Variants in WNK2 observed in about 807,000 individuals in gnomAD.
The protein encoded by WNK2 is WNK lysine deficient protein kinase 2.
WNK2 carries 67 observed loss-of-function variants against 192.1 expected under a neutral mutation model. The ratio of observed to expected loss-of-function variants is 0.35; its 90% CI spans 0.29 to 0.43. The LOEUF (loss-of-function observed/expected upper bound fraction) is 0.43, where lower values mean the gene tolerates loss of function less well. WNK2 is among the 20% of genes least tolerant of loss of function. WNK2 has a pLI of 1.00. For synonymous variants in WNK2, 1,439 were observed against 1,393.9 expected (o/e 1.03, Z -0.72); for missense variants, 2,698 against 3,089.7 (o/e 0.87, Z 3.01).
chr9:93,189,428 G>A (rs1307546880), intron 2 of WNK2, among the ~76,000 whole-genome samples: 1 of 152,224 alleles, frequency 6.6e-6, no homozygotes, highest in Non-Finnish European at 1.5e-5. Flanking sequence ...GACTAAGGGT[G>A]GGGGCGCTGC....
In WNK2 at chr9:93,223,662, C is replaced by T. The variant is rs74533343; in HGVS notation, c.682-6034C>T. ...AAACCCTGTCCTCCTGGAACCAGACCCAGACCCTCTCTCCACTTTGTGGTG... is the reference window on the plus strand; with the variant it reads ...AAACCCTGTCCTCCTGGAACCAGACTCAGACCCTCTCTCCACTTTGTGGTG... On this transcript the variant is annotated intron_variant, in intron 2 of 29. Coordinates refer to ENST00000427277, the MANE Select transcript of WNK2 (RefSeq NM_006648.4). Among the ~76,000 whole-genome samples, 75 of 152,304 alleles carry T rather than the reference C, an allele frequency of 4.9e-4. No homozygotes were observed. In the East Asian group the frequency reaches 0.013, roughly 26 times the overall value.
chr9:93,315,721 T>C (rs1854526958), intron 28 of WNK2: 1 of 152,158 alleles, frequency 6.6e-6, no homozygotes, highest in South Asian at 2.1e-4. Flanking sequence ...CAAAGATTTT[T>C]TTTGAAAGTC....
chr9:93,315,252 G>T (rs1408331895), intron 28 of WNK2, among the ~76,000 whole-genome samples: 1 of 152,202 alleles, frequency 6.6e-6, no homozygotes, highest in Admixed American at 6.5e-5. Context: ...CACCCATTGA[G>T]TGGAAAGTCT....
chr9:93,242,592 A>G (rs1235573959), intron 7 of WNK2, among the ~76,000 whole-genome samples: 4 of 152,242 alleles, frequency 2.6e-5, no homozygotes, highest in Non-Finnish European at 1.5e-5. Context: ...GAGATGCTGC[A>G]TAGGCTATGT....
chr9:93,285,827 CA>C (rs1848371590), intron 19 of WNK2, among the ~76,000 whole-genome samples: 2 of 152,156 alleles, frequency 1.3e-5, no homozygotes, highest in African/African-American at 4.8e-5. Context: ...GGTCCTAGAA[CA>C]AGGGTAGAGA....
At chr9:93,204,741 C>T (rs1371473831) in intron 2 of WNK2, among the ~76,000 whole-genome samples, 1 of 152,002 alleles carries the variant, frequency 6.6e-6, no homozygotes, top group Non-Finnish European at 1.5e-5. Flanking sequence ...AGCAGATTGT[C>T]AGCACTGTTT....
In WNK2 at chr9:93,289,517, TGA is replaced by T; in HGVS notation, c.4767_4768del (p.Asp1591ProfsTer18). ...GACAGAGACTTCACCCTGGAGCCCC[TGA>T]GAGGGGACCAGCCCCGCTCAGAGGT... is the stretch of plus-strand genomic sequence containing the variant. On this transcript the variant is annotated frameshift_variant, in exon 20 of 30. Coordinates refer to ENST00000427277, the MANE Select transcript of WNK2 (RefSeq NM_006648.4). LOFTEE classifies it high-confidence loss of function. The T allele has an allele frequency of 6.2e-7, 1 of 1,602,522 alleles. No individual in the cohort carries two copies. The highest frequency in any genetic ancestry group is 2.2e-5 in the East Asian group (1 of 44,566).
Position 93,268,618 on chromosome 9 carries a change from G to T in WNK2, c.3914-9G>T, listed in dbSNP as rs1193701349. 1.9e-6 allele frequency: 3 copies of T among 1,608,484 alleles called. No homozygotes were observed. The highest frequency in any genetic ancestry group is 2.2e-5 in the South Asian group (2 of 89,500). Reference sequence around the variant, plus strand: ...TCACTCAGCGTGCTGTTTCTGTTCTGCCCTTCAGTCCTGCACACCGGGAAG... The same window carrying T: ...TCACTCAGCGTGCTGTTTCTGTTCTTCCCTTCAGTCCTGCACACCGGGAAG... On this transcript the variant is annotated splice_polypyrimidine_tract_variant and intron_variant, in intron 18 of 29. Coordinates refer to ENST00000427277, the MANE Select transcript of WNK2 (RefSeq NM_006648.4).
At chr9:93,238,211 A>G in intron 5 of WNK2, 22 bp from the exon 6 acceptor site, 1 of 1,612,924 alleles carries the variant, frequency 6.2e-7, no homozygotes, top group Non-Finnish European at 8.5e-7. Flanking sequence ...CGGGTCAGGT[A>G]ACTCTGCTCT....
At chr9:93,186,122 T>A (rs1410173583) in intron 2 of WNK2, among the ~76,000 whole-genome samples, 1 of 152,190 alleles carries the variant, frequency 6.6e-6, no homozygotes, top group East Asian at 1.9e-4. Flanking sequence ...CCAGCAGGGA[T>A]ACCTGCAGAG....
In WNK2 at chr9:93,239,077, G is replaced by C. The variant is rs968860377; in HGVS notation, c.1323-680G>C. On this transcript the variant is annotated intron_variant, in intron 6 of 29. Coordinates refer to ENST00000427277, the MANE Select transcript of WNK2 (RefSeq NM_006648.4). This position sits in a 1 kb window ranked among gnomAD's most constrained non-coding sequence, Gnocchi z 4.2. ...ATTTATAGGGTAAAGGGGGTTATAG[G>C]TTAGTGGTTAGGGAGGCTTCTTTGG... is the stretch of plus-strand genomic sequence containing the variant. Among the ~76,000 whole-genome samples the C allele has an allele frequency of 6.6e-6, 1 of 152,228 alleles. No individual in the cohort carries two copies. Among genetic ancestry groups the C allele is most frequent in the African/African-American group, 2.4e-5 (1 of 41,456 alleles).
Position 93,234,863 on chromosome 9 carries a change from G to C in WNK2, c.1131G>C (p.Val377=), listed in dbSNP as rs997249718. The C allele has an allele frequency of 1.1e-5, 18 of 1,614,112 alleles. No homozygotes were observed. Among genetic ancestry groups the C allele is most frequent in the Non-Finnish European group, 1.5e-5 (18 of 1,180,036 alleles). Residue 377 remains valine (V), a synonymous_variant, in exon 5 of 30, where the codon GTG becomes GTC. Transcript: ENST00000427277. The part of the protein sequence containing the change: ...EMYEEHYDES[V]DVYAFGMCML... The stretch of plus-strand genomic sequence containing the variant: ...ACGAGGAGCACTACGATGAGTCCGT[G>C]GACGTCTATGCCTTTGGGATGTGCA...
rs183700296 is a variant in WNK2 at position 93,257,533 on chromosome 9, C to T, written c.2382+394C>T. Reference sequence around the variant, plus strand: ...ACCCTCCCAGCAAGGTGCCCATCTGCCCTCAGCTTACCCATGTGCCCAGGC... The same window carrying T: ...ACCCTCCCAGCAAGGTGCCCATCTGTCCTCAGCTTACCCATGTGCCCAGGC... On this transcript the variant is annotated intron_variant, in intron 11 of 29. Coordinates refer to ENST00000427277, the MANE Select transcript of WNK2 (RefSeq NM_006648.4). This position sits in a 1 kb window ranked among gnomAD's most constrained non-coding sequence, Gnocchi z 4.7. Among the ~76,000 whole-genome samples, 148 of 152,332 alleles carry T rather than the reference C, an allele frequency of 9.7e-4. 2 individuals carry two copies. Among genetic ancestry groups the T allele is most frequent in the Admixed American group, 9.3e-3 (143 of 15,312 alleles).
At chr9:93,304,417 C>T (rs1474068762) in intron 26 of WNK2, among the ~76,000 whole-genome samples, 1 of 152,276 alleles carries the variant, frequency 6.6e-6, no homozygotes. Context: ...GATCCCCCAA[C>T]AGCTGGGATG....
At chr9:93,318,642 C>T (rs909132752) in intron 29 of WNK2, 2 of 1,565,232 alleles carry the variant, frequency 1.3e-6, no homozygotes, top group Admixed American at 1.8e-5. Flanking sequence ...GCTGGAGAGG[C>T]TGCCCTCTCT....
intron 16 of WNK2, chr9:93,266,906 C>T (rs1478499231): frequency 6.6e-6 from 1 of 152,390 alleles, no homozygotes; most frequent in Non-Finnish European, 1.5e-5. Context: ...AGGAAAGGGG[C>T]AGGGTCTGGA....
chr9:93,196,437 G>C (rs1414299713), intron 2 of WNK2, among the ~76,000 whole-genome samples: 2 of 152,182 alleles, frequency 1.3e-5, no homozygotes, highest in African/African-American at 4.8e-5. Context: ...TTTTCTCTCT[G>C]TTTCTTCTGT....
intron 2 of WNK2, among the ~76,000 whole-genome samples, chr9:93,194,439 G>A (rs1472418148): frequency 6.6e-6 from 1 of 152,156 alleles, no homozygotes; most frequent in Non-Finnish European, 1.5e-5. Context: ...CACACAGATG[G>A]CAAATAAGCA....
intron 26 of WNK2, 114 bp downstream of exon 26, chr9:93,300,263 A>C (rs1404469247): frequency 5.5e-5 from 40 of 730,212 alleles, no homozygotes; most frequent in East Asian, 1.2e-4. Flanking sequence ...CCCCCACCCC[A>C]TCGAAGTCAC....
Sources: allele counts gnomAD v4.1 joint callset (sites outside exome capture counted in the v4.1 genomes callset), GRCh38; gene constraint gnomAD v4.1.1; non-coding constraint Gnocchi (gnomAD v3.1); transcripts MANE v1.5; gene names NCBI Gene and HGNC (gene_info 2026-07-23, HGNC 2026-07-21).